Variants in RNGTT observed in about 807,000 individuals in gnomAD.
RNGTT encodes mRNA-capping enzyme.
RNGTT carries 33 observed loss-of-function variants against 79.3 expected under a neutral mutation model. The ratio of observed to expected loss-of-function variants is 0.42; its 90% CI spans 0.32 to 0.56. RNGTT has a LOEUF of 0.56. Ranked by LOEUF, RNGTT falls within the 20% of genes least tolerant of loss-of-function variation. RNGTT has a pLI of 0.17. For missense variants in RNGTT, 497 were observed against 739.1 expected, an observed-to-expected ratio of 0.67 and a Z score of 3.80; for synonymous variants, 222 against 235.9, an observed-to-expected ratio of 0.94 and a Z score of 0.54.
chr6:88,713,887 C>G (rs1776408126), intron 13 of RNGTT, among the ~76,000 whole-genome samples: 1 of 152,104 alleles, frequency 6.6e-6, no homozygotes, highest in African/African-American at 2.4e-5. Context: ...ATTGGATAAT[C>G]TTTTCTTCCC....
chr6:88,890,277 G>A (rs1244847839), intron 8 of RNGTT, among the ~76,000 whole-genome samples: 1 of 152,098 alleles, frequency 6.6e-6, no homozygotes, highest in East Asian at 1.9e-4. Context: ...TGTTAAACTA[G>A]CTAAGCTCTG....
chr6:88,892,627 C>A (rs897318041), intron 6 of RNGTT, among the ~76,000 whole-genome samples: 4 of 151,838 alleles, frequency 2.6e-5, no homozygotes, highest in Admixed American at 2.6e-4. Context: ...AAATAAGGAA[C>A]CCTTCTGGAA....
intron 14 of RNGTT, among the ~76,000 whole-genome samples, chr6:88,633,552 T>C (rs755397026): frequency 3.9e-5 from 6 of 152,212 alleles, no homozygotes; most frequent in Non-Finnish European, 8.8e-5. Context: ...ATGCGCTTTA[T>C]CTCCAACCTG....
At chr6:88,951,193 G>A (rs1056940228) in intron 1 of RNGTT, among the ~76,000 whole-genome samples, 10 of 152,140 alleles carry the variant, frequency 6.6e-5, no homozygotes, top group South Asian at 2.1e-4. Context: ...GCCTGAAGAC[G>A]TGACCAAATT....
At chr6:88,749,188 G>T (rs142474880) in intron 13 of RNGTT, among the ~76,000 whole-genome samples, 1 of 152,210 alleles carries the variant, frequency 6.6e-6, no homozygotes, top group African/African-American at 2.4e-5. Flanking sequence ...GTTAAAGAAT[G>T]TAACTACTGG....
intron 13 of RNGTT, among the ~76,000 whole-genome samples, chr6:88,740,075 T>C (rs1777433861): frequency 6.6e-6 from 1 of 152,006 alleles, no homozygotes; most frequent in East Asian, 1.9e-4. Context: ...AATGTTCCTT[T>C]TTCAGAAGCA....
At chr6:88,703,636 T>C (rs189056110) in intron 13 of RNGTT, among the ~76,000 whole-genome samples, 1 of 152,290 alleles carries the variant, frequency 6.6e-6, no homozygotes, top group East Asian at 1.9e-4. Context: ...CTCAGCATCA[T>C]ACAATATACC....
At chr6:88,895,217 TGAGA>T (rs529201652) in intron 6 of RNGTT, among the ~76,000 whole-genome samples, 2 of 142,748 alleles carry the variant, frequency 1.4e-5, no homozygotes, top group African/African-American at 2.6e-5. Flanking sequence ...GCAATTTATG[TGAGA>T]GAGAGCTCTG....
rs142462805 is a variant in RNGTT, at chr6:88,950,036, G to A, written c.65-8856C>T. Reference sequence around the variant, plus strand: ...TAACTTTAAGTTGAAGCCAGTGCTCGTTTACCATTCTGAAAATACTAGGGC... The same window carrying A: ...TAACTTTAAGTTGAAGCCAGTGCTCATTTACCATTCTGAAAATACTAGGGC... On this transcript the variant is annotated intron_variant, in intron 1 of 15. Coordinates refer to ENST00000369485, the MANE Select transcript of RNGTT (RefSeq NM_003800.5). Among the ~76,000 whole-genome samples, 545 of 151,568 alleles carry A rather than the reference G, an allele frequency of 3.6e-3. 2 individuals are homozygous for A. Among genetic ancestry groups the A allele is most frequent in the African/African-American group, 0.012 (509 of 41,492 alleles).
intron 13 of RNGTT, among the ~76,000 whole-genome samples, chr6:88,756,183 G>C (rs976789802): frequency 3.4e-4 from 51 of 151,776 alleles, no homozygotes; most frequent in African/African-American, 1.1e-3. Flanking sequence ...AAGTTAAAGA[G>C]GTAAAATTAG....
At chr6:88,701,764 G>T (rs1283934897) in intron 13 of RNGTT, among the ~76,000 whole-genome samples, 2 of 152,216 alleles carry the variant, frequency 1.3e-5, no homozygotes, top group East Asian at 3.9e-4. Flanking sequence ...CACACAGATT[G>T]TAAGTACAAC....
chr6:88,784,431 A>G lies in RNGTT; in HGVS notation c.1339-14557T>C, dbSNP rs148006473. Among the ~76,000 whole-genome samples, 831 of 152,302 alleles carry G rather than the reference A, an allele frequency of 5.5e-3. 8 individuals are homozygous for G. The highest frequency in any genetic ancestry group is 0.017 in the African/African-American group (721 of 41,572). On this transcript the variant is annotated intron_variant, in intron 12 of 15. Coordinates refer to ENST00000369485, the MANE Select transcript of RNGTT (RefSeq NM_003800.5). The stretch of plus-strand genomic sequence containing the variant: ...GCACAGGGGAGAGTCATGCTCACCT[A>G]TACAACCAGGCTTCCTCAAGGAAGC...
intron 14 of RNGTT, among the ~76,000 whole-genome samples, chr6:88,625,361 C>T (rs1006159377): frequency 6.6e-6 from 1 of 151,904 alleles, no homozygotes; most frequent in Non-Finnish European, 1.5e-5. Flanking sequence ...AAACACATTG[C>T]AGTATAGCCA....
At chr6:88,632,483 G>C (rs1244185792) in intron 14 of RNGTT, among the ~76,000 whole-genome samples, 2 of 151,112 alleles carry the variant, frequency 1.3e-5, no homozygotes, top group South Asian at 2.1e-4. Flanking sequence ...GTTTGATCCA[G>C]TTTATCTAAT....
At position 88,902,007 on chromosome 6, in the gene RNGTT, T is replaced by C. The variant is rs560098344; in HGVS notation, c.684+2708A>G. ...AGCAGAAAGGGTAAATATGTGGGTA[T>C]ACCTAACCAATAATAGCTGTATAAA... On this transcript the variant is annotated intron_variant, in intron 6 of 15. Coordinates refer to ENST00000369485, the MANE Select transcript of RNGTT (RefSeq NM_003800.5). Among the ~76,000 whole-genome samples, 12 of 152,120 alleles carry C rather than the reference T, an allele frequency of 7.9e-5. No individual in the cohort carries two copies. In the South Asian group the frequency reaches 2.5e-3, roughly 32 times the overall value.
chr6:88,948,965 C>T (rs1785131944), intron 1 of RNGTT, among the ~76,000 whole-genome samples: 1 of 95,560 alleles, frequency 1.0e-5, no homozygotes, highest in South Asian at 4.1e-4. Flanking sequence ...ATCAGGGACA[C>T]AAACACTGCG....
At chr6:88,741,988 A>G (rs760028921) in intron 13 of RNGTT, among the ~76,000 whole-genome samples, 7 of 152,218 alleles carry the variant, frequency 4.6e-5, no homozygotes, top group Non-Finnish European at 1.0e-4. Context: ...AATCTAAAAC[A>G]TTACAAGAAG....
At chr6:88,922,765 G>A (rs181799011) in intron 4 of RNGTT, among the ~76,000 whole-genome samples, 217 of 152,202 alleles carry the variant, frequency 1.4e-3, no homozygotes, top group African/African-American at 4.8e-3. Flanking sequence ...TCCTGACCTT[G>A]TGATCCACCC....
intron 14 of RNGTT, among the ~76,000 whole-genome samples, chr6:88,668,245 A>G (rs978888057): frequency 6.6e-6 from 1 of 152,142 alleles, no homozygotes; most frequent in East Asian, 1.9e-4. Flanking sequence ...TGAAGGTAGA[A>G]GGAATTCCGG....
Sources: allele counts gnomAD v4.1 joint callset (sites outside exome capture counted in the v4.1 genomes callset), GRCh38; gene constraint gnomAD v4.1.1; transcripts MANE v1.5; gene names NCBI Gene and HGNC (gene_info 2026-07-23, HGNC 2026-07-21).